The following MED27 variants were observed in gnomAD, a reference collection of about 807,000 sequenced individuals.
The protein encoded by MED27 is mediator complex subunit 27, also known as mediator of RNA polymerase II transcription subunit 27.
A neutral mutation model predicts 38.2 loss-of-function variants in MED27; 30 were observed. That is an observed-to-expected ratio of 0.79 (90% CI 0.59 to 1.07). The LOEUF is 1.07. MED27 is among the 50% of genes least tolerant of loss of function. The pLI is 0.00. For synonymous variants in MED27, 122 were observed against 153.5 expected, an observed-to-expected ratio of 0.79 and a Z score of 1.52; for missense variants, 289 against 397.5, an observed-to-expected ratio of 0.73 and a Z score of 2.32.
At chr9:132,006,702 T>A (rs915095490) in intron 3 of MED27, among the ~76,000 whole-genome samples, 2 of 151,926 alleles carry the variant, frequency 1.3e-5, no homozygotes, top group African/African-American at 4.8e-5. Flanking sequence ...ACAGAAGAGA[T>A]AATGATATAA....
At chr9:131,922,050 A>G (rs1211307141) in intron 4 of MED27, among the ~76,000 whole-genome samples, 2 of 151,898 alleles carry the variant, frequency 1.3e-5, no homozygotes, top group Non-Finnish European at 2.9e-5. Context: ...GAGGGATAGC[A>G]TTAGGAGAAA....
At chr9:132,049,241 A>C (rs1286296154) in intron 2 of MED27, among the ~76,000 whole-genome samples, 1 of 152,206 alleles carries the variant, frequency 6.6e-6, no homozygotes, top group Non-Finnish European at 1.5e-5. Context: ...CCTCAGCAGG[A>C]CACTAAAGGT....
chr9:131,979,367 C>G (rs1459490841), intron 3 of MED27, among the ~76,000 whole-genome samples: 2 of 151,902 alleles, frequency 1.3e-5, no homozygotes, highest in Non-Finnish European at 2.9e-5. Context: ...GAGAATGTAA[C>G]CAACGCTTAT....
At chr9:131,960,440 T>G (rs1478332343) in intron 3 of MED27, among the ~76,000 whole-genome samples, 1 of 152,042 alleles carries the variant, frequency 6.6e-6, no homozygotes, top group Non-Finnish European at 1.5e-5. Flanking sequence ...AATATTTGAG[T>G]GGGTACAGTT....
At chr9:132,007,920 A>T (rs1293262863) in intron 3 of MED27, among the ~76,000 whole-genome samples, 5 of 152,140 alleles carry the variant, frequency 3.3e-5, no homozygotes, top group East Asian at 1.9e-4. Flanking sequence ...GGAAGATAAT[A>T]TAATGCAAGA....
intron 4 of MED27, among the ~76,000 whole-genome samples, chr9:131,895,269 C>T (rs945201047): frequency 6.6e-6 from 1 of 152,194 alleles, no homozygotes; most frequent in Non-Finnish European, 1.5e-5. Context: ...AGACCCCAGC[C>T]TGGGACCCAC....
At chr9:131,972,764 A>G (rs961055341) in intron 3 of MED27, among the ~76,000 whole-genome samples, 2 of 152,208 alleles carry the variant, frequency 1.3e-5, no homozygotes, top group African/African-American at 4.8e-5. Context: ...AGAGTAACCT[A>G]CAGAGTTTGC....
intron 2 of MED27, among the ~76,000 whole-genome samples, chr9:132,023,232 A>C (rs185253144): frequency 8.5e-5 from 13 of 152,330 alleles, no homozygotes; most frequent in African/African-American, 3.1e-4. Context: ...GATGGTTTTC[A>C]ACTAAGCCAT....
At chr9:132,055,456 T>C (rs1387863790) in intron 2 of MED27, among the ~76,000 whole-genome samples, 1 of 152,128 alleles carries the variant, frequency 6.6e-6, no homozygotes, top group African/African-American at 2.4e-5. Context: ...AATACAGTAA[T>C]TAACCTTGGG....
intron 5 of MED27, among the ~76,000 whole-genome samples, chr9:131,890,750 C>A (rs911140654): frequency 2.6e-5 from 4 of 152,142 alleles, no homozygotes; most frequent in Non-Finnish European, 5.9e-5. Context: ...GATTGAGATC[C>A]AGCCCTGTGT....
chr9:131,909,295 G>A (rs1239097097), intron 4 of MED27, among the ~76,000 whole-genome samples: 2 of 152,216 alleles, frequency 1.3e-5, no homozygotes, highest in African/African-American at 4.8e-5. Context: ...GCACAGCTGA[G>A]GGCTGAGCTA....
chr9:132,048,091 T>C (rs573894527), intron 2 of MED27, among the ~76,000 whole-genome samples: 2 of 152,344 alleles, frequency 1.3e-5, no homozygotes, highest in African/African-American at 4.8e-5. Flanking sequence ...GATAACTTTT[T>C]TCTTCTTTCT....
chr9:131,995,013 T>C (rs1416114328), intron 3 of MED27, among the ~76,000 whole-genome samples: 1 of 151,914 alleles, frequency 6.6e-6, no homozygotes, highest in Non-Finnish European at 1.5e-5. Flanking sequence ...TCCCAAGAAG[T>C]AGGGCTTCAA....
At chr9:131,952,202 G>A (rs1831011848) in intron 3 of MED27, among the ~76,000 whole-genome samples, 2 of 152,230 alleles carry the variant, frequency 1.3e-5, no homozygotes, top group Non-Finnish European at 1.5e-5. Flanking sequence ...TCAGAGGGCA[G>A]GAGAAGCACG....
At chr9:132,037,357 A>G (rs963078390) in intron 2 of MED27, among the ~76,000 whole-genome samples, 5 of 152,212 alleles carry the variant, frequency 3.3e-5, no homozygotes, top group Non-Finnish European at 7.3e-5. Flanking sequence ...CATGGACAGT[A>G]ATAGTCGCAT....
chr9:131,932,287 T>C (rs1830603695), intron 4 of MED27, among the ~76,000 whole-genome samples: 1 of 126,154 alleles, frequency 7.9e-6, no homozygotes. Flanking sequence ...GTGGGTCAAT[T>C]AAGAGATTAA....
At chr9:132,066,069 C>T (rs1833802878) in intron 2 of MED27, among the ~76,000 whole-genome samples, 1 of 152,214 alleles carries the variant, frequency 6.6e-6, no homozygotes, top group African/African-American at 2.4e-5. Context: ...TGCTCAATTA[C>T]TGCATGCCTG....
intron 2 of MED27, among the ~76,000 whole-genome samples, chr9:132,042,192 C>G (rs913956132): frequency 6.6e-6 from 1 of 152,162 alleles, no homozygotes; most frequent in Non-Finnish European, 1.5e-5. Flanking sequence ...AATGAAGAGG[C>G]TGGCTTAAGG....
chr9:131,925,359 C>T (rs1830464202), intron 4 of MED27, among the ~76,000 whole-genome samples: 1 of 152,134 alleles, frequency 6.6e-6, no homozygotes, highest in Non-Finnish European at 1.5e-5. Context: ...GTGTCTTTCC[C>T]CTCAAGCATT....
Sources: allele counts gnomAD v4.1 joint callset (sites outside exome capture counted in the v4.1 genomes callset), GRCh38; gene constraint gnomAD v4.1.1; transcripts MANE v1.5; gene names NCBI Gene and HGNC (gene_info 2026-07-23, HGNC 2026-07-21).